The following MON2 variants were observed in gnomAD, a reference collection of about 807,000 sequenced individuals.
MON2 encodes protein MON2 homolog.
A neutral mutation model predicts 208.6 loss-of-function variants in MON2; 84 were observed. The observed-to-expected ratio is 0.40, with a 90% confidence interval of 0.34 to 0.48. MON2 has a LOEUF of 0.48. MON2 is among the 20% of genes least tolerant of loss of function. MON2 has a pLI of 0.59. For synonymous variants in MON2, 660 were observed against 694.0 expected, an observed-to-expected ratio of 0.95 and a Z score of 0.77; for missense variants, 1,611 against 2,015.4, an observed-to-expected ratio of 0.80 and a Z score of 3.84.
At chr12:62,574,106 G>A (rs1003380986) in intron 30 of MON2, among the ~76,000 whole-genome samples, 2 of 152,110 alleles carry the variant, frequency 1.3e-5, no homozygotes, top group Non-Finnish European at 2.9e-5. Flanking sequence ...TCTGTTAAAT[G>A]TCAATAATAA....
intron 3 of MON2, 80 bp from the exon 4 acceptor site, chr12:62,494,936 G>T (rs2070387644): frequency 1.4e-5 from 15 of 1,046,748 alleles, no homozygotes; most frequent in East Asian, 2.6e-5. Flanking sequence ...GCTGATGTAG[G>T]TTTGTATACC....
chr12:62,589,521 T>TTA (rs1370847130), intron 34 of MON2, among the ~76,000 whole-genome samples: 9 of 152,128 alleles, frequency 5.9e-5, no homozygotes, highest in Non-Finnish European at 1.3e-4. Context: ...ACACTTGTCT[T>TTA]TATTCAACCC....
intron 13 of MON2, 147 bp downstream of exon 13, chr12:62,535,073 T>C (rs1440254263): frequency 6.5e-6 from 4 of 610,922 alleles, no homozygotes; most frequent in Non-Finnish European, 1.1e-5. Flanking sequence ...TCATCCCCCT[T>C]CCTCATTCTG....
chr12:62,579,306 G>A (rs2136448930), intron 31 of MON2, among the ~76,000 whole-genome samples: 1 of 152,028 alleles, frequency 6.6e-6, no homozygotes, highest in African/African-American at 2.4e-5. Flanking sequence ...GATTATAAAT[G>A]GAATTTAAAT....
At chr12:62,478,516 G>A (rs2069217514) in intron 1 of MON2, among the ~76,000 whole-genome samples, 2 of 152,176 alleles carry the variant, frequency 1.3e-5, no homozygotes, top group South Asian at 2.1e-4. Context: ...TGTTACTAAT[G>A]GTTTAATTTC....
chr12:62,515,619 C>T (rs1257068987), intron 8 of MON2, among the ~76,000 whole-genome samples: 1 of 152,020 alleles, frequency 6.6e-6, no homozygotes, highest in Non-Finnish European at 1.5e-5. Flanking sequence ...AGTTTGAGAC[C>T]TTGGCCAACA....
At chr12:62,586,368 A>G (rs1324106606) in intron 33 of MON2, among the ~76,000 whole-genome samples, 1 of 152,236 alleles carries the variant, frequency 6.6e-6, no homozygotes, top group Non-Finnish European at 1.5e-5. Flanking sequence ...CAGACATTTT[A>G]TAGCTTTTGA....
intron 8 of MON2, among the ~76,000 whole-genome samples, chr12:62,521,351 A>G (rs2072030125): frequency 6.6e-6 from 1 of 152,180 alleles, no homozygotes; most frequent in Non-Finnish European, 1.5e-5. Context: ...TGTTTTTTAA[A>G]ATCATACGTG....
intron 25 of MON2, chr12:62,560,189 G>A (rs1302699838): frequency 8.7e-6 from 2 of 230,434 alleles, no homozygotes; most frequent in African/African-American, 4.6e-5. Context: ...GGTGAAGTCT[G>A]AGATTTTAGT....
intron 1 of MON2, among the ~76,000 whole-genome samples, chr12:62,473,341 T>C (rs1475387138): frequency 6.7e-6 from 1 of 148,614 alleles, no homozygotes; most frequent in Non-Finnish European, 1.5e-5. Context: ...GTGGAAATGG[T>C]ATGTGAGTCC....
chr12:62,525,093 TCAGTCCTATGATATGAAA>T lies in MON2; in HGVS notation c.1123_1140del (p.Ser375_Gln380del), dbSNP rs2072264365. The T allele has an allele frequency of 6.2e-7, 1 of 1,608,820 alleles. No homozygotes were observed. The highest frequency in any genetic ancestry group is 8.5e-7 in the Non-Finnish European group (1 of 1,176,230). ...TTAAATTATTTTACAGGTCATTTTG[TCAGTCCTATGATATGAAA>T]CAGCATTCTACCAAGGTTTTTCGTG... is the stretch of plus-strand genomic sequence containing the variant. On this transcript the variant is annotated inframe_deletion, in exon 10 of 35. Transcript: ENST00000393630.
Position 62,588,133 on chromosome 12 carries a change from T to A in MON2, c.4967T>A (p.Leu1656His). The change falls in exon 34 of 35, where the codon CTT (leucine) becomes CAT (histidine). Residue 1656 changes from leucine (L) to histidine (H), a missense_variant. Physicochemically the swap from Leu to His is moderately conservative, Grantham distance 99. Coordinates refer to ENST00000393630, the MANE Select transcript of MON2 (RefSeq NM_015026.3). The part of the protein sequence containing the change: ...LKAVSTLIDS[L>H]KKTQPENVDG... Reference sequence around the variant, plus strand: ...GCAGTCAGTACTCTTATTGATTCACTTAAGAAAACTCAGCCTGAGAATGGT... The same window carrying A: ...GCAGTCAGTACTCTTATTGATTCACATAAGAAAACTCAGCCTGAGAATGGT... 1 of 1,580,094 alleles carries A rather than the reference T, an allele frequency of 6.3e-7. No homozygotes were observed. Among genetic ancestry groups the A allele is most frequent in the Non-Finnish European group, 8.7e-7 (1 of 1,153,254 alleles).
chr12:62,568,072 A>C (rs995485976), intron 29 of MON2, among the ~76,000 whole-genome samples: 9 of 152,220 alleles, frequency 5.9e-5, no homozygotes, highest in African/African-American at 1.9e-4. Flanking sequence ...AACTAAGTCA[A>C]CTGCTGAGGG....
In MON2 at chr12:62,525,200, C is replaced by G; in HGVS notation, c.1226C>G (p.Pro409Arg). The G allele has an allele frequency of 6.2e-7, 1 of 1,613,308 alleles. No individual in the cohort carries two copies. The highest frequency in any genetic ancestry group is 8.5e-7 in the Non-Finnish European group (1 of 1,179,534). Residue 409 changes from proline to arginine, a missense_variant, in exon 10 of 35, where the codon CCT (proline) becomes CGT (arginine). Coordinates refer to ENST00000393630, the MANE Select transcript of MON2 (RefSeq NM_015026.3). ...TTTCTTGTCCCCCCTACTGGAAATC[C>G]TGCAACAAGCAACCAAGCTGGTAAA... ...SLFLVPPTGNPATSNQAGNNN... is the reference protein window; with the variant it reads ...SLFLVPPTGNRATSNQAGNNN...
intron 32 of MON2, among the ~76,000 whole-genome samples, chr12:62,581,873 T>C (rs554774050): frequency 6.6e-6 from 1 of 152,336 alleles, no homozygotes; most frequent in East Asian, 1.9e-4. Flanking sequence ...GCCATGCAGA[T>C]CCTTAATCCT....
In MON2 at chr12:62,593,952, T is replaced by A. The variant is rs2075468390; in HGVS notation, c.*1203T>A. ...TTGCTGTCACGGAGTAAAATGCTAA[T>A]TATGTTTCACTTTCCTAGCCTAGTG... On this transcript the variant is annotated 3_prime_UTR_variant, in exon 35 of 35. Coordinates refer to ENST00000393630, the MANE Select transcript of MON2 (RefSeq NM_015026.3). The A allele has an allele frequency of 6.6e-6, 1 of 152,192 alleles. No homozygotes were observed. Among genetic ancestry groups the A allele is most frequent in the South Asian group, 2.1e-4 (1 of 4,832 alleles). 9.4% of individuals were successfully genotyped at this position (152,192 alleles called of 1,614,324 possible). A position where few individuals can be genotyped will look rare whatever the true frequency, so the allele number is the denominator to read the frequency against.
At position 62,526,198 on chromosome 12, in the gene MON2, A is replaced by G. The variant is rs192677605; in HGVS notation, c.1400+96A>G. 18 of 1,153,212 alleles carry G rather than the reference A, an allele frequency of 1.6e-5. No individual in the cohort carries two copies. The African/African-American group carries it at 2.7e-4, about 17-fold the overall frequency. 71.4% of individuals were successfully genotyped at this position (1,153,212 alleles called of 1,614,324 possible). Reference sequence around the variant, plus strand: ...CTATTGTATTTTAAATTTTAGACCCACTACTTCTAAGGTATTTTAGAGCTC... The same window carrying G: ...CTATTGTATTTTAAATTTTAGACCCGCTACTTCTAAGGTATTTTAGAGCTC... On this transcript the variant is annotated intron_variant, in intron 11 of 34. Transcript: ENST00000393630.
chr12:62,536,536 A>G (rs1203347050), intron 14 of MON2, among the ~76,000 whole-genome samples: 1 of 152,130 alleles, frequency 6.6e-6, no homozygotes, highest in Admixed American at 6.5e-5. Flanking sequence ...AAAACATACC[A>G]GGGATACATG....
In MON2 at chr12:62,573,171, G is replaced by C. The variant is rs117001063; in HGVS notation, c.4514+1589G>C. 4.5e-4 allele frequency among the ~76,000 whole-genome samples: 69 copies of C among 152,260 alleles called. No homozygotes were observed. In the East Asian group the frequency reaches 0.013, roughly 29 times the overall value. On this transcript the variant is annotated intron_variant, in intron 30 of 34. Coordinates refer to ENST00000393630, the MANE Select transcript of MON2 (RefSeq NM_015026.3). ...ACCAATGTAAGCATACTCTGTTTCT[G>C]AAGGAAAAATTATAGGCGCTCATAA... is the stretch of plus-strand genomic sequence containing the variant.
Sources: allele counts gnomAD v4.1 joint callset (sites outside exome capture counted in the v4.1 genomes callset), GRCh38; gene constraint gnomAD v4.1.1; transcripts MANE v1.5; gene names NCBI Gene and HGNC (gene_info 2026-07-23, HGNC 2026-07-21).